CLEC12A: variants seen among roughly 807,000 people sequenced by gnomAD.
The protein encoded by CLEC12A is C-type lectin protein CLL-1.
Under a neutral mutation model 26.5 loss-of-function variants are expected in CLEC12A, and 22 were observed. That is an observed-to-expected ratio of 0.83 (90% confidence interval 0.59 to 1.19). The LOEUF (loss-of-function observed/expected upper bound fraction) is 1.19. CLEC12A is among the 50% of genes most tolerant of loss of function. The pLI, the probability that CLEC12A is intolerant of heterozygous loss-of-function variation, is 0.00. For missense variants in CLEC12A, 353 were observed against 315.6 expected (o/e 1.12, Z -0.90); for synonymous variants, 119 against 101.9 (o/e 1.17, Z -1.01).
intron 4 of CLEC12A, chr12:9,993,421 T>C: frequency 1.4e-6 from 1 of 712,982 alleles, no homozygotes; most frequent in Non-Finnish European, 2.3e-6. Flanking sequence ...AAAAAAACGA[T>C]TCTCATTGTT....
At chr12:9,987,787 T>C (rs1173555816), downstream of CLEC12A, among the ~76,000 whole-genome samples, 1 of 152,086 alleles carries the variant, frequency 6.6e-6, no homozygotes, top group African/African-American at 2.4e-5. Flanking sequence ...CAGATCATTT[T>C]ACCTTTTCTT....
chr12:9,996,795 T>G, downstream of CLEC12A: 1 of 1,591,732 alleles, frequency 6.3e-7, no homozygotes. Context: ...GTGTTACATT[T>G]GAGGTTTCTC....
chr12:9,976,798 C>T lies in CLEC12A; in HGVS notation c.92-2168C>T, dbSNP rs180809994. On this transcript the variant is annotated intron_variant, in intron 1 of 5. Coordinates refer to ENST00000304361, the MANE Select transcript of CLEC12A (RefSeq NM_138337.6). ...AATTTCCACGTGTTGTTGGAGGGAC[C>T]TCGTGGGAGGTAATTGAATCATATG... Among the ~76,000 whole-genome samples the T allele has an allele frequency of 7.0e-3, 1,068 of 152,186 alleles. 12 individuals carry two copies. The highest frequency in any genetic ancestry group is 8.9e-3 in the Non-Finnish European group (605 of 68,006).
the CLEC12A span, among the ~76,000 whole-genome samples, chr12:10,004,970 C>T: frequency 2.0e-5 from 3 of 151,514 alleles, no homozygotes; most frequent in African/African-American, 7.3e-5. Context: ...CTCTTCTACC[C>T]AGTATTTCCC....
chr12:9,970,721 T>C (rs1213990308), upstream of CLEC12A, among the ~76,000 whole-genome samples: 1 of 152,118 alleles, frequency 6.6e-6, no homozygotes, highest in Non-Finnish European at 1.5e-5. Context: ...GCAAGGCTGA[T>C]TATAGTTTTC....
chr12:9,998,259 T>G, downstream of CLEC12A: 1 of 1,593,688 alleles, frequency 6.3e-7, no homozygotes, highest in Non-Finnish European at 8.6e-7. Flanking sequence ...TCCAGTCAAA[T>G]TTCTGGCAGA....
rs1341543282 is a variant in CLEC12A, at chr12:9,971,503, T to C, written c.-94T>C. ...AAGCTTCCGTTTATAAACAGAAGTT[T>C]AAAATTATAGGTCCTGTTTAACATT... On this transcript the variant is annotated 5_prime_UTR_variant, in exon 1 of 6. Coordinates refer to ENST00000304361, the MANE Select transcript of CLEC12A (RefSeq NM_138337.6). 1.3e-6 allele frequency: 2 copies of C among 1,489,996 alleles called. No individual in the cohort carries two copies. The highest frequency in any genetic ancestry group is 1.8e-6 in the Non-Finnish European group (2 of 1,124,768). 92.3% of individuals were successfully genotyped at this position (1,489,996 alleles called of 1,614,324 possible). A position where few individuals can be genotyped will look rare whatever the true frequency, so the allele number is the denominator to read the frequency against.
chr12:9,952,294 T>TCCTGCCTCAGC (rs1463541308), intron 1 of CLEC12A, among the ~76,000 whole-genome samples: 1 of 150,366 alleles, frequency 6.7e-6, no homozygotes, highest in Non-Finnish European at 1.5e-5. Context: ...TGCCTGATTC[T>TCCTGCCTCAGC]CCTGCCTCAG....
At chr12:9,974,667 A>G (rs1864260684) in intron 1 of CLEC12A, among the ~76,000 whole-genome samples, 1 of 152,160 alleles carries the variant, frequency 6.6e-6, no homozygotes, top group Non-Finnish European at 1.5e-5. Context: ...ATAAATATTA[A>G]ATTATTTAGT....
intron 4 of CLEC12A, 61 bp downstream of exon 4, chr12:9,980,794 C>A: frequency 6.5e-7 from 1 of 1,538,856 alleles, no homozygotes. Context: ...TTGGAGAAGA[C>A]TTCAATCAAC....
Position 9,951,360 on chromosome 12 carries a change from A to G in CLEC12A, c.10+4A>G, listed in dbSNP as rs1350181962. 5 of 702,848 alleles carry G rather than the reference A, an allele frequency of 7.1e-6. No homozygotes were observed. In the African/African-American group the frequency reaches 8.7e-5, roughly 12 times the overall value. The allele number at this position is 702,848 out of a possible 1,614,324, so 43.5% of individuals were successfully genotyped here. A position where few individuals can be genotyped will look rare whatever the true frequency, so the allele number is the denominator to read the frequency against. On this transcript the variant is annotated splice_donor_region_variant and intron_variant, in intron 1 of 6. Coordinates refer to the CLEC12A transcript ENST00000355690. The stretch of plus-strand genomic sequence containing the variant: ...TTTGACTTCTGCATGTGGATAGGTG[A>G]GTGTCTTTTGTGGATACCGACAGTG...
At chr12:9,999,199 T>C, downstream of CLEC12A, 1 of 784,808 alleles carries the variant, frequency 1.3e-6, no homozygotes, top group Non-Finnish European at 2.2e-6. Flanking sequence ...ATGATCTTCC[T>C]GTCTTTAGTA....
chr12:9,984,931 G>A lies in CLEC12A; in HGVS notation c.703G>A (p.Val235Ile), dbSNP rs975018084. Residue 235 changes from valine (V) to isoleucine (I), a missense_variant, in exon 6 of 6, where the codon GTT becomes ATT. Val to Ile is a conservative substitution (Grantham distance 29, BLOSUM62 3). Coordinates refer to ENST00000304361, the MANE Select transcript of CLEC12A (RefSeq NM_138337.6). ...MYCGYINRLY[V>I]QYYHCTYKKR... ...TTGTGGATATATAAATAGACTATAT[G>A]TTCAATATTATCACTGCACTTATAA... 25 of 1,582,222 alleles carry A rather than the reference G, an allele frequency of 1.6e-5. No individual in the cohort carries two copies. Among genetic ancestry groups the A allele is most frequent in the Non-Finnish European group, 2.2e-5 (25 of 1,161,438 alleles).
chr12:9,998,846 T>C (rs1026817510), downstream of CLEC12A, among the ~76,000 whole-genome samples: 2 of 152,184 alleles, frequency 1.3e-5, no homozygotes, highest in Non-Finnish European at 2.9e-5. Context: ...TCCCTGCACA[T>C]ATATTGGATG....
chr12:9,991,143 GA>G (rs1464340554), intron 4 of CLEC12A: 3 of 152,080 alleles, frequency 2.0e-5, no homozygotes, highest in Admixed American at 2.0e-4. Context: ...CAATATTTCC[GA>G]GGCATGCCTG....
chr12:9,957,721 G>A (rs949442226), intron 1 of CLEC12A, among the ~76,000 whole-genome samples: 3 of 152,176 alleles, frequency 2.0e-5, no homozygotes, highest in African/African-American at 7.2e-5. Flanking sequence ...TGAGCAGAGG[G>A]TTGACTTCAA....
At chr12:9,997,415 G>A, downstream of CLEC12A, 1 of 746,416 alleles carries the variant, frequency 1.3e-6, no homozygotes, top group Non-Finnish European at 2.1e-6. Context: ...TTAAATGAAT[G>A]TTGAAAAGTG....
downstream of CLEC12A, chr12:9,998,420 T>G (rs1180209965): frequency 8.6e-6 from 13 of 1,507,090 alleles, no homozygotes; most frequent in Non-Finnish European, 1.2e-5. Flanking sequence ...GCAGGCAGTA[T>G]GGGTTAGCTA....
upstream of CLEC12A, among the ~76,000 whole-genome samples, chr12:9,968,281 C>T (rs1359121267): frequency 1.3e-5 from 2 of 152,134 alleles, no homozygotes; most frequent in Non-Finnish European, 2.9e-5. Context: ...CACTCGCATC[C>T]GTGTGAAGAG....
Sources: gnomAD v4.1 joint callset for allele counts (sites outside exome capture counted in the v4.1 genomes callset) on GRCh38, gnomAD v4.1.1 for gene constraint, MANE v1.5 for transcripts, NCBI Gene and HGNC (gene_info 2026-07-23, HGNC 2026-07-21) for gene names.